Variants in PCDH11Y observed in about 807,000 individuals in gnomAD.
PCDH11Y encodes protocadherin 11 Y-linked.
For synonymous variants in PCDH11Y, 9 were observed against 83.6 expected (o/e 0.11, Z 4.87); for missense variants, 12 against 224.8 (o/e 0.05, Z 6.05).
At chrY:5,407,788 G>A (rs1602920861) in intron 2 of PCDH11Y, among the ~76,000 whole-genome samples, 1 of 30,992 alleles carries the variant, frequency 3.2e-5, no homozygotes, top group Non-Finnish European at 7.8e-5. Context: ...GGTGGCGGGC[G>A]CCTGTAGTCC....
intron 2 of PCDH11Y, among the ~76,000 whole-genome samples, chrY:5,326,745 G>A: frequency 3.0e-5 from 1 of 32,868 alleles, no homozygotes; most frequent in Non-Finnish European, 7.5e-5. Context: ...AGGAGCCGGG[G>A]AGCAGAAAGT....
intron 2 of PCDH11Y, among the ~76,000 whole-genome samples, chrY:5,123,095 T>C (rs368213958): frequency 8.3e-3 from 271 of 32,717 alleles, no homozygotes; most frequent in African/African-American, 0.03. Flanking sequence ...TCAGGCACAC[T>C]GGGGCCTCAG....
chrY:5,024,133 G>A, intron 1 of PCDH11Y, among the ~76,000 whole-genome samples: 1 of 32,850 alleles, frequency 3.0e-5, no homozygotes, highest in Non-Finnish European at 7.5e-5. Flanking sequence ...ATATGATGTC[G>A]GACTACATGA....
chrY:5,419,250 T>A, intron 2 of PCDH11Y, among the ~76,000 whole-genome samples: 3 of 33,256 alleles, frequency 9.0e-5, no homozygotes, highest in Non-Finnish European at 1.5e-4. Flanking sequence ...CAGCCAATTT[T>A]TTTTTGCTGT....
At chrY:5,131,202 T>C (rs2052833595) in intron 2 of PCDH11Y, among the ~76,000 whole-genome samples, 1 of 32,790 alleles carries the variant, frequency 3.0e-5, no homozygotes, top group African/African-American at 1.2e-4. Context: ...TTTTACACAG[T>C]CCTCTTCAAA....
At chrY:5,244,485 G>T in intron 2 of PCDH11Y, among the ~76,000 whole-genome samples, 1 of 33,414 alleles carries the variant, frequency 3.0e-5, no homozygotes, top group Admixed American at 2.7e-4. Flanking sequence ...GGAGAGGAAG[G>T]AAGAACAGTG....
chrY:5,558,440 C>T (rs2578860), intron 3 of PCDH11Y, among the ~76,000 whole-genome samples: 3 of 22,898 alleles, frequency 1.3e-4, no homozygotes, highest in Non-Finnish European at 1.9e-4. Context: ...AACTTCTTCC[C>T]GATTCAATCT....
chrY:5,015,006 A>G, intron 1 of PCDH11Y, among the ~76,000 whole-genome samples: 1 of 33,464 alleles, frequency 3.0e-5, no homozygotes, highest in African/African-American at 1.2e-4. Context: ...GAATACCATG[A>G]GTTAATTAGT....
At chrY:5,689,463 A>G in intron 4 of PCDH11Y, among the ~76,000 whole-genome samples, 1 of 33,541 alleles carries the variant, frequency 3.0e-5, no homozygotes, top group Non-Finnish European at 7.4e-5. Context: ...TCTTGCTAGA[A>G]CACATTTAAT....
intron 2 of PCDH11Y, among the ~76,000 whole-genome samples, chrY:5,157,494 G>A: frequency 3.0e-5 from 1 of 32,868 alleles, no homozygotes; most frequent in Non-Finnish European, 7.5e-5. Context: ...TTGTGGTTAA[G>A]GATATGTCTC....
At chrY:5,704,574 C>A (rs35366268) in intron 4 of PCDH11Y, among the ~76,000 whole-genome samples, 1 of 29,883 alleles carries the variant, frequency 3.3e-5, no homozygotes. Flanking sequence ...GGGACTACAG[C>A]GCCCACCACC....
intron 2 of PCDH11Y, among the ~76,000 whole-genome samples, chrY:5,422,926 A>C: frequency 3.0e-5 from 1 of 33,340 alleles, no homozygotes; most frequent in East Asian, 7.8e-4. Flanking sequence ...TAACAAAAAT[A>C]ATACATTAAA....
intron 2 of PCDH11Y, among the ~76,000 whole-genome samples, chrY:5,492,114 T>A: frequency 3.0e-5 from 1 of 33,782 alleles, no homozygotes; most frequent in African/African-American, 1.2e-4. Flanking sequence ...AGCTGATGTT[T>A]TGAAAACCAC....
At position 5,378,318 on chromosome Y, in the gene PCDH11Y, C is replaced by G. The variant is rs1602915309; in HGVS notation, c.3130-122739C>G. Among the ~76,000 whole-genome samples, 11 of 26,522 alleles carry G rather than the reference C, an allele frequency of 4.1e-4. No individual in the cohort carries two copies. The South Asian group carries it at 9.2e-3, about 22-fold the overall frequency. The allele number at this position is 26,522 out of a possible 37,273, so 71.2% of individuals were successfully genotyped here. On this transcript the variant is annotated intron_variant, in intron 2 of 4. Coordinates refer to the PCDH11Y transcript ENST00000400457. ...ACACACACACACACACACACACACACACAGAGAAGACAATCCTATAAAACA... is the reference window on the plus strand; with the variant it reads ...ACACACACACACACACACACACACAGACAGAGAAGACAATCCTATAAAACA...
At chrY:5,624,580 T>A (rs2053504938) in intron 4 of PCDH11Y, among the ~76,000 whole-genome samples, 2 of 31,949 alleles carry the variant, frequency 6.3e-5, no homozygotes, top group African/African-American at 2.4e-4. Context: ...GAAGGGGTCC[T>A]GTTTCAATCT....
chrY:5,606,172 AT>A (rs2053478556), intron 4 of PCDH11Y, among the ~76,000 whole-genome samples: 32 of 28,945 alleles, frequency 1.1e-3, no homozygotes, highest in Non-Finnish European at 1.7e-4. Context: ...TTTATTTTTT[AT>A]TTTTTTTTAT....
At chrY:5,422,642 A>C (rs2124679633) in intron 2 of PCDH11Y, among the ~76,000 whole-genome samples, 1 of 33,246 alleles carries the variant, frequency 3.0e-5, no homozygotes, top group African/African-American at 1.2e-4. Flanking sequence ...ACTGTCATGT[A>C]TATGGTTAAA....
At chrY:5,449,875 T>C (rs2053291588) in intron 2 of PCDH11Y, among the ~76,000 whole-genome samples, 2 of 33,811 alleles carry the variant, frequency 5.9e-5, no homozygotes, top group African/African-American at 1.1e-4. Context: ...GCTAAGACTA[T>C]ACTACAATGA....
rs2124709752 is a variant in PCDH11Y, at chrY:5,683,147, C to CA, written c.3353-54120dup. Among the ~76,000 whole-genome samples the CA allele has an allele frequency of 2.7e-4, 9 of 32,769 alleles. No individual in the cohort carries two copies. In the South Asian group the frequency reaches 6.1e-3, roughly 22 times the overall value. The allele number at this position is 32,769 out of a possible 37,273, so 87.9% of individuals were successfully genotyped here. A position where few individuals can be genotyped will look rare whatever the true frequency, so the allele number is the denominator to read the frequency against. Reference sequence around the variant, plus strand: ...AGTTGCAGGATACAAAGTCAGCATACAAAAATCAATAGCATTTCTATATGT... The same window carrying CA: ...AGTTGCAGGATACAAAGTCAGCATACAAAAAATCAATAGCATTTCTATATGT... On this transcript the variant is annotated intron_variant, in intron 4 of 4. Coordinates refer to the PCDH11Y transcript ENST00000400457.
Sources: allele counts gnomAD v4.1 joint callset (sites outside exome capture counted in the v4.1 genomes callset), GRCh38; gene constraint gnomAD v4.1.1; transcripts MANE v1.5; gene names NCBI Gene and HGNC (gene_info 2026-07-23, HGNC 2026-07-21).